Variants in DOK6 observed in about 807,000 individuals in gnomAD.
DOK6 encodes downstream of tyrosine kinase 6.
Under a neutral mutation model 44.0 loss-of-function variants are expected in DOK6, and 22 were observed. The ratio of observed to expected loss-of-function variants is 0.50; its 90% CI spans 0.36 to 0.71. The LOEUF (loss-of-function observed/expected upper bound fraction) is 0.71. Ranked by LOEUF, DOK6 falls within the 30% of genes least tolerant of loss-of-function variation. The pLI is 0.00. For synonymous variants in DOK6, 166 were observed against 145.5 expected (o/e 1.14, Z -1.01); for missense variants, 340 against 416.4 (o/e 0.82, Z 1.60).
At position 69,547,302 on chromosome 18, in the gene DOK6, T is replaced by C. The variant is rs1399355648; in HGVS notation, c.67-17185T>C. 2.0e-5 allele frequency among the ~76,000 whole-genome samples: 3 copies of C among 151,440 alleles called. No homozygotes were observed. The South Asian group carries it at 6.3e-4, about 32-fold the overall frequency. On this transcript the variant is annotated intron_variant, in intron 1 of 7. Coordinates refer to ENST00000382713, the MANE Select transcript of DOK6 (RefSeq NM_152721.6). ...TTTTAGTAGAGACTGGGTTTGACCATGTTGGCCAGACTGGTCTCGAACTCC... is the reference window on the plus strand; with the variant it reads ...TTTTAGTAGAGACTGGGTTTGACCACGTTGGCCAGACTGGTCTCGAACTCC...
At chr18:69,448,522 C>T (rs1568261331) in intron 1 of DOK6, among the ~76,000 whole-genome samples, 1 of 152,056 alleles carries the variant, frequency 6.6e-6, no homozygotes, top group Non-Finnish European at 1.5e-5. Flanking sequence ...CAGGCATGCA[C>T]CACCATGCCC....
At chr18:69,565,474 CGTGTGTGTGTGTGTGTGT>C (rs869115556) in intron 2 of DOK6, among the ~76,000 whole-genome samples, 2 of 87,582 alleles carry the variant, frequency 2.3e-5, no homozygotes, top group Admixed American at 1.5e-4. Flanking sequence ...TCTGTCTCTA[CGTGTGTGTGTGTGTGTGT>C]GTGTGTGTGT....
intron 3 of DOK6, among the ~76,000 whole-genome samples, chr18:69,625,105 G>A (rs985567811): frequency 4.6e-5 from 7 of 152,048 alleles, no homozygotes; most frequent in South Asian, 2.1e-4. Flanking sequence ...GGCATCTTCC[G>A]TGTCCTTAAT....
At chr18:69,701,804 T>G (rs771716547) in intron 5 of DOK6, among the ~76,000 whole-genome samples, 19 of 152,196 alleles carry the variant, frequency 1.2e-4, no homozygotes, top group Non-Finnish European at 2.4e-4. Flanking sequence ...ATAGTTATTA[T>G]GAAAAGGTGG....
At chr18:69,619,214 T>G (rs1243975959) in intron 3 of DOK6, among the ~76,000 whole-genome samples, 4 of 152,234 alleles carry the variant, frequency 2.6e-5, no homozygotes, top group East Asian at 1.9e-4. Context: ...TTTTCACGGC[T>G]GTGACTGTGG....
intron 1 of DOK6, among the ~76,000 whole-genome samples, chr18:69,478,740 T>C (rs1438109618): frequency 6.6e-6 from 1 of 152,168 alleles, no homozygotes; most frequent in East Asian, 1.9e-4. Context: ...CATCTTCCAT[T>C]ACCATGATAC....
At chr18:69,742,269 C>T (rs992733430) in intron 6 of DOK6, among the ~76,000 whole-genome samples, 8 of 151,916 alleles carry the variant, frequency 5.3e-5, no homozygotes, top group Non-Finnish European at 7.4e-5. Flanking sequence ...ACAAAATTAG[C>T]CAGGCATGGT....
intron 3 of DOK6, among the ~76,000 whole-genome samples, chr18:69,626,785 TG>T (rs1350643528): frequency 6.6e-6 from 1 of 152,208 alleles, no homozygotes; most frequent in African/African-American, 2.4e-5. Flanking sequence ...TTCAAAGGAA[TG>T]GTTCCCAGGT....
chr18:69,816,827 G>A (rs2145120540), intron 7 of DOK6, among the ~76,000 whole-genome samples: 1 of 152,292 alleles, frequency 6.6e-6, no homozygotes, highest in African/African-American at 2.4e-5. Context: ...TAGGACATAG[G>A]AGGAGAAGAG....
At chr18:69,525,474 T>G (rs1981804002) in intron 1 of DOK6, among the ~76,000 whole-genome samples, 1 of 152,034 alleles carries the variant, frequency 6.6e-6, no homozygotes, top group South Asian at 2.1e-4. Context: ...GAGAAATGAT[T>G]CAATGATAAG....
At chr18:69,631,569 T>C (rs912303461) in intron 3 of DOK6, among the ~76,000 whole-genome samples, 2 of 152,172 alleles carry the variant, frequency 1.3e-5, no homozygotes, top group Non-Finnish European at 2.9e-5. Context: ...CTCCCCTCTT[T>C]CAGGGCTCTT....
chr18:69,501,196 A>G (rs908111190), intron 1 of DOK6, among the ~76,000 whole-genome samples: 22 of 152,138 alleles, frequency 1.4e-4, no homozygotes, highest in Non-Finnish European at 2.5e-4. Context: ...AACTTATTTT[A>G]TGGTAGAGTT....
At chr18:69,791,530 C>A (rs551999941) in intron 7 of DOK6, among the ~76,000 whole-genome samples, 13 of 152,242 alleles carry the variant, frequency 8.5e-5, no homozygotes, top group Middle Eastern at 3.4e-3. Flanking sequence ...TTTCATACAC[C>A]TGTTTGCCAT....
chr18:69,447,028 T>C (rs926496257), intron 1 of DOK6, among the ~76,000 whole-genome samples: 2 of 152,364 alleles, frequency 1.3e-5, no homozygotes, highest in Admixed American at 6.5e-5. Flanking sequence ...GATGGTAGTT[T>C]CTTTTGCTGT....
chr18:69,718,614 A>G (rs1198139367), intron 5 of DOK6, among the ~76,000 whole-genome samples: 4 of 152,224 alleles, frequency 2.6e-5, no homozygotes, highest in African/African-American at 4.8e-5. Flanking sequence ...ATATTATGCC[A>G]TTCTCAAAGA....
intron 7 of DOK6, among the ~76,000 whole-genome samples, chr18:69,800,306 A>G (rs1480943227): frequency 6.6e-6 from 1 of 152,060 alleles, no homozygotes; most frequent in Non-Finnish European, 1.5e-5. Context: ...TCTCTTCCCC[A>G]TTATATTTTC....
chr18:69,515,969 A>G (rs1164945216), intron 1 of DOK6, among the ~76,000 whole-genome samples: 1 of 152,206 alleles, frequency 6.6e-6, no homozygotes, highest in African/African-American at 2.4e-5. Flanking sequence ...ACCGATATTC[A>G]CACTGTTTTG....
intron 6 of DOK6, among the ~76,000 whole-genome samples, chr18:69,755,211 G>A (rs980670756): frequency 1.3e-5 from 2 of 152,134 alleles, no homozygotes; most frequent in African/African-American, 4.8e-5. Flanking sequence ...TCATGTGGAA[G>A]AGTTATTATC....
intron 7 of DOK6, among the ~76,000 whole-genome samples, chr18:69,836,541 G>A (rs1303693963): frequency 6.6e-6 from 1 of 152,008 alleles, no homozygotes; most frequent in African/African-American, 2.4e-5. Flanking sequence ...GTAGAAAATA[G>A]TATTTTCTAT....
Sources: gnomAD v4.1 joint callset for allele counts (sites outside exome capture counted in the v4.1 genomes callset) on GRCh38, gnomAD v4.1.1 for gene constraint, MANE v1.5 for transcripts, NCBI Gene and HGNC (gene_info 2026-07-23, HGNC 2026-07-21) for gene names.